Variants in SUDS3 observed in about 807,000 individuals in gnomAD.
SUDS3 encodes SIN3A corepressor complex component SDS3.
Under a neutral mutation model 53.5 loss-of-function variants are expected in SUDS3, and 23 were observed. The observed-to-expected ratio is 0.43, with a 90% CI of 0.31 to 0.61. SUDS3 has a LOEUF of 0.61. SUDS3 is among the 20% of genes least tolerant of loss of function. SUDS3 has a pLI of 0.10. For synonymous variants in SUDS3, 150 were observed against 148.5 expected (o/e 1.01, Z -0.08); for missense variants, 291 against 405.9 (o/e 0.72, Z 2.43).
In SUDS3 at chr12:118,386,190, G is replaced by A. The variant is rs2046113004; in HGVS notation, c.340+5G>A. On this transcript the variant is annotated splice_donor_5th_base_variant and intron_variant, in intron 4 of 11. Transcript: ENST00000543473. ...AAGAGAGGATACGGAATGCAGGTAA[G>A]GCTCCTTTAAATGGCAATGAATCAT... 6.3e-7 allele frequency: 1 copy of A among 1,592,254 alleles called. No homozygotes were observed. The highest frequency in any genetic ancestry group is 8.6e-7 in the Non-Finnish European group (1 of 1,168,730).
chr12:118,414,253 T>G (rs1566213297), intron 11 of SUDS3, 82 bp from the exon 12 acceptor site: 2 of 1,012,734 alleles, frequency 2.0e-6, no homozygotes, highest in East Asian at 5.4e-5. Context: ...TGCATCTCAC[T>G]CGTGCAGATA....
In SUDS3 at chr12:118,386,127, A is replaced by G; in HGVS notation, c.282A>G (p.Glu94=). 6.3e-7 allele frequency: 1 copy of G among 1,598,094 alleles called. No homozygotes were observed. Among genetic ancestry groups the G allele is most frequent in the Non-Finnish European group, 8.5e-7 (1 of 1,171,662 alleles). The stretch of plus-strand genomic sequence containing the variant: ...GTTCAAAATCAGGTACATTACAGGA[A>G]TATCAGAAGAGAATGAAAAAACTAG... ...LQQLQEGTLQ[E]YQKRMKKLDQ... Residue 94 remains glutamate, a synonymous_variant, in exon 4 of 12, where the codon GAA becomes GAG. Transcript: ENST00000543473.
At chr12:118,379,142 A>G (rs199714130) in intron 1 of SUDS3, among the ~76,000 whole-genome samples, 2 of 151,572 alleles carry the variant, frequency 1.3e-5, no homozygotes, top group South Asian at 2.1e-4. Flanking sequence ...GAGATGATTT[A>G]AAGTGTACTG....
At position 118,416,747 on chromosome 12, in the gene SUDS3, G is replaced by A. The variant is rs750957992; in HGVS notation, c.*2314G>A. 6.6e-6 allele frequency: 1 copy of A among 152,218 alleles called. No homozygotes were observed. Among genetic ancestry groups the A allele is most frequent in the African/African-American group, 2.4e-5 (1 of 41,458 alleles). The allele number at this position is 152,218 out of a possible 1,614,324, so 9.4% of individuals were successfully genotyped here. ...CCTGTTAGTAGATGGGGGTACTTCTGTGGTGGGCAGAAGCCTTACTAAAGG... is the reference window on the plus strand; with the variant it reads ...CCTGTTAGTAGATGGGGGTACTTCTATGGTGGGCAGAAGCCTTACTAAAGG... On this transcript the variant is annotated 3_prime_UTR_variant, in exon 12 of 12. Coordinates refer to ENST00000543473, the MANE Select transcript of SUDS3 (RefSeq NM_022491.3).
rs1036369847 is a variant in SUDS3 at position 118,384,023 on chromosome 12, A to G, written c.224A>G (p.Asp75Gly). ...YVEMKEQMYQ[D>G]KLASLKRQLQ... is the part of the protein sequence containing the mutation. ...TTTTTTTTTTATAGGATGTATCAGG[A>G]CAAACTGGCTTCTCTCAAGAGGCAG... is the stretch of plus-strand genomic sequence containing the variant. The change falls in exon 3 of 12, where the codon GAC (aspartate) becomes GGC (glycine). Residue 75 changes from aspartate to glycine, a missense_variant. Physicochemically the swap from Asp to Gly is moderately conservative, Grantham distance 94. This residue lies in a region of SUDS3 where 149 missense variants were observed against 146.5 expected (regional missense o/e 1.02). Transcript: ENST00000543473. 2 of 1,613,264 alleles carry G rather than the reference A, an allele frequency of 1.2e-6. No individual in the cohort carries two copies. Among genetic ancestry groups the G allele is most frequent in the African/African-American group, 2.7e-5 (2 of 74,856 alleles).
At chr12:118,381,226 A>G (rs535768418) in intron 2 of SUDS3, among the ~76,000 whole-genome samples, 4 of 150,918 alleles carry the variant, frequency 2.7e-5, no homozygotes, top group African/African-American at 4.9e-5. Context: ...TTTTTTTGAG[A>G]TGGAGTCTTG....
intron 11 of SUDS3, among the ~76,000 whole-genome samples, chr12:118,412,021 T>A (rs753703857): frequency 1.8e-4 from 27 of 152,184 alleles, no homozygotes; most frequent in Non-Finnish European, 3.1e-4. Flanking sequence ...TTGCCTGCCG[T>A]CTTTCCTAGC....
chr12:118,376,726 C>G lies in SUDS3; in HGVS notation c.35C>G (p.Ala12Gly). The G allele has an allele frequency of 3.3e-6, 5 of 1,529,996 alleles. No homozygotes were observed. The highest frequency in any genetic ancestry group is 4.4e-6 in the Non-Finnish European group (5 of 1,144,018). The allele number at this position is 1,529,996 out of a possible 1,614,324, so 94.8% of individuals were successfully genotyped here. A position where few individuals can be genotyped will look rare whatever the true frequency, so the allele number is the denominator to read the frequency against. The change falls in exon 1 of 12, where the codon GCC (alanine) becomes GGC (glycine). Residue 12 changes from alanine to glycine, a missense_variant. Transcript: ENST00000543473. ...GCGGGGCTGCTGGCCCCGGCCCCGG[C>G]CCAGGCTGGAGCGCCGCCGGCCCCC... ...SAAGLLAPAP[A>G]QAGAPPAPEY...
intron 2 of SUDS3, among the ~76,000 whole-genome samples, chr12:118,381,513 G>A (rs900223402): frequency 2.6e-5 from 4 of 152,112 alleles, no homozygotes; most frequent in African/African-American, 9.7e-5. Flanking sequence ...CTCCCGAGTA[G>A]CAAGGACTAC....
chr12:118,380,099 T>C, intron 1 of SUDS3, 63 bp from the exon 2 acceptor site: 1 of 1,341,766 alleles, frequency 7.5e-7, no homozygotes, highest in Non-Finnish European at 1.1e-6. Context: ...ATACTCTGTG[T>C]CAGGTGACGC....
At chr12:118,378,171 G>A (rs550246392) in intron 1 of SUDS3, among the ~76,000 whole-genome samples, 2 of 152,232 alleles carry the variant, frequency 1.3e-5, no homozygotes, top group Admixed American at 1.3e-4. Flanking sequence ...CCATTAGCTT[G>A]TTCTAAGAAC....
At chr12:118,403,128 T>C (rs1335254452) in intron 9 of SUDS3, among the ~76,000 whole-genome samples, 1 of 152,236 alleles carries the variant, frequency 6.6e-6, no homozygotes, top group African/African-American at 2.4e-5. Flanking sequence ...AGTCCTACTC[T>C]AAGTGACCTT....
chr12:118,396,285 T>G (rs1043100202), intron 6 of SUDS3, among the ~76,000 whole-genome samples: 2 of 152,234 alleles, frequency 1.3e-5, no homozygotes, highest in Admixed American at 1.3e-4. Context: ...AGACGGGGTC[T>G]TGCTCTGCCA....
chr12:118,391,055 G>A, intron 5 of SUDS3, 71 bp from the exon 6 acceptor site: 2 of 1,577,426 alleles, frequency 1.3e-6, no homozygotes, highest in Non-Finnish European at 1.7e-6. Flanking sequence ...TTGAGGACAG[G>A]GCTAGACTTT....
chr12:118,378,292 T>C (rs535292266), intron 1 of SUDS3, among the ~76,000 whole-genome samples: 6 of 152,292 alleles, frequency 3.9e-5, no homozygotes, highest in African/African-American at 1.4e-4. Context: ...CCTTTTTTAT[T>C]GTATACAGTT....
chr12:118,411,182 T>A, intron 11 of SUDS3, 25 bp downstream of exon 11: 1 of 1,567,522 alleles, frequency 6.4e-7, no homozygotes, highest in South Asian at 1.2e-5. Context: ...CCCTCACCTT[T>A]AGGGAAGCAA....
intron 10 of SUDS3, among the ~76,000 whole-genome samples, chr12:118,410,580 TTTTATTTATTTATTTA>T (rs376070753): frequency 7.5e-6 from 1 of 133,554 alleles, no homozygotes. Context: ...TATTTATTTA[TTTTATTTATTTATTTA>T]TTTATTTATT....
At chr12:118,381,689 A>G (rs2046063792) in intron 2 of SUDS3, among the ~76,000 whole-genome samples, 1 of 152,150 alleles carries the variant, frequency 6.6e-6, no homozygotes, top group African/African-American at 2.4e-5. Context: ...GCCTGGCCAC[A>G]TGCTGACTCT....
At chr12:118,379,398 C>T (rs2141357936) in intron 1 of SUDS3, among the ~76,000 whole-genome samples, 1 of 152,244 alleles carries the variant, frequency 6.6e-6, no homozygotes, top group Admixed American at 6.5e-5. Flanking sequence ...GATTGTGCCA[C>T]TGCACTCCAG....
Sources: gnomAD v4.1 joint callset for allele counts (sites outside exome capture counted in the v4.1 genomes callset) on GRCh38, gnomAD v4.1.1 for gene constraint, gnomAD v4.1.1 regional missense constraint, MANE v1.5 for transcripts, NCBI Gene and HGNC (gene_info 2026-07-23, HGNC 2026-07-21) for gene names.